Variants in GALNT2 observed in about 807,000 individuals in gnomAD.
GALNT2 encodes polypeptide N-acetylgalactosaminyltransferase 2, also known as UDP-GalNAc:polypeptide N-acetylgalactosaminyltransferase 2.
A neutral mutation model predicts 81.4 loss-of-function variants in GALNT2; 31 were observed. That is an observed-to-expected ratio of 0.38 (90% CI 0.29 to 0.51). GALNT2 has a LOEUF of 0.51. Ranked by LOEUF, GALNT2 falls within the 20% of genes least tolerant of loss-of-function variation. GALNT2 has a pLI of 0.87. For synonymous variants in GALNT2, 303 were observed against 287.4 expected (o/e 1.05, Z -0.55); for missense variants, 629 against 765.7 (o/e 0.82, Z 2.11).
intron 3 of GALNT2, among the ~76,000 whole-genome samples, chr1:230,204,549 T>G (rs1342196517): frequency 6.6e-6 from 1 of 152,192 alleles, no homozygotes; most frequent in Non-Finnish European, 1.5e-5. Context: ...GTAGGCATTT[T>G]AAAAAGAGTA....
intron 2 of GALNT2, among the ~76,000 whole-genome samples, chr1:230,191,295 G>A (rs1663516699): frequency 6.6e-6 from 1 of 152,204 alleles, no homozygotes; most frequent in Non-Finnish European, 1.5e-5. Flanking sequence ...TAGTCCGGCT[G>A]ACAGTGACTC....
At chr1:230,215,532 G>A (rs1418496321) in intron 3 of GALNT2, among the ~76,000 whole-genome samples, 1 of 152,234 alleles carries the variant, frequency 6.6e-6, no homozygotes, top group Non-Finnish European at 1.5e-5. Flanking sequence ...GTCACTGGAA[G>A]CAGGAAAAAC....
chr1:230,270,674 G>T (rs746062438), intron 14 of GALNT2, among the ~76,000 whole-genome samples: 1 of 152,186 alleles, frequency 6.6e-6, no homozygotes, highest in Non-Finnish European at 1.5e-5. Flanking sequence ...GATGAGAAAC[G>T]AGAGGGTAAG....
rs1229447902 is a variant in GALNT2 at position 230,275,115 on chromosome 1, T to C, written c.1560+551T>C. ...TATACATGTATACACACCACATATA[T>C]ATACATATATATACACACCACATAT... On this transcript the variant is annotated intron_variant, in intron 15 of 15. Transcript: ENST00000366672. This position sits in a 1 kb window ranked among gnomAD's most constrained non-coding sequence, Gnocchi z 5.5. Among the ~76,000 whole-genome samples the C allele has an allele frequency of 1.4e-5, 2 of 139,318 alleles. No individual in the cohort carries two copies. The highest frequency in any genetic ancestry group is 1.9e-4 in the East Asian group (1 of 5,150). 91.4% of individuals were successfully genotyped at this position (139,318 alleles called of 152,430 possible).
At chr1:230,065,341 T>C (rs1348527997), upstream of GALNT2, among the ~76,000 whole-genome samples, 1 of 152,198 alleles carries the variant, frequency 6.6e-6, no homozygotes, top group East Asian at 1.9e-4. Context: ...TCAATTTCCT[T>C]CTTGAATTTG....
Position 230,280,361 on chromosome 1 carries a change from G to A in GALNT2, c.*903G>A, listed in dbSNP as rs895133001. ...TGCGTCAGAATCCACCTTGCGTGCT[G>A]TGCGTATCTGTGAACCTGGAGCGGT... On this transcript the variant is annotated 3_prime_UTR_variant, in exon 16 of 16. Coordinates refer to ENST00000366672, the MANE Select transcript of GALNT2 (RefSeq NM_004481.5). 7.6e-5 allele frequency: 17 copies of A among 222,352 alleles called. No homozygotes were observed. The highest frequency in any genetic ancestry group is 2.9e-4 in the African/African-American group (13 of 44,874). The allele number at this position is 222,352 out of a possible 1,614,324, so 13.8% of individuals were successfully genotyped here.
rs76968153 is a variant in GALNT2, at chr1:230,237,694, A to C, written c.607+969A>C. 5.5e-3 allele frequency among the ~76,000 whole-genome samples: 838 copies of C among 152,268 alleles called. 7 individuals carry two copies. The highest frequency in any genetic ancestry group is 0.019 in the African/African-American group (799 of 41,548). On this transcript the variant is annotated intron_variant, in intron 6 of 15. Transcript: ENST00000366672. ...GTGGGATAAGCCTTGCCTTCTAAAC[A>C]AGCTGTTTGCCAGACTCACATCAGT... is the stretch of plus-strand genomic sequence containing the variant.
At chr1:230,235,097 C>G (rs1664985225) in intron 3 of GALNT2, among the ~76,000 whole-genome samples, 2 of 151,388 alleles carry the variant, frequency 1.3e-5, no homozygotes, top group African/African-American at 2.4e-5. Context: ...ACCTGTAATC[C>G]CAGCTACTTG....
intron 1 of GALNT2, among the ~76,000 whole-genome samples, chr1:230,081,898 T>A (rs961778718): frequency 1.8e-4 from 28 of 152,194 alleles, no homozygotes; most frequent in African/African-American, 6.8e-4. Context: ...GACATTGGCT[T>A]GCGTTTCCTT....
chr1:230,113,758 C>G (rs565840602), intron 1 of GALNT2, among the ~76,000 whole-genome samples: 12 of 152,188 alleles, frequency 7.9e-5, no homozygotes, highest in Non-Finnish European at 1.6e-4. Flanking sequence ...CTTGTTTGCA[C>G]CTGATCAGAT....
At chr1:230,122,553 C>T (rs182301474) in intron 1 of GALNT2, among the ~76,000 whole-genome samples, 89 of 152,180 alleles carry the variant, frequency 5.8e-4, no homozygotes, top group Non-Finnish European at 9.9e-4. Context: ...ATTTTCCCCC[C>T]AGGGATAAGG....
upstream of GALNT2, among the ~76,000 whole-genome samples, chr1:230,063,514 A>G (rs114738116): frequency 0.048 from 7,290 of 152,170 alleles, 363 homozygotes; most frequent in African/African-American, 0.13. Flanking sequence ...GCCCCATGTC[A>G]CATCTAGCTA....
At position 230,118,770 on chromosome 1, in the gene GALNT2, G is replaced by T. The variant is rs1458019500; in HGVS notation, c.126+51364G>T. 2.0e-5 allele frequency among the ~76,000 whole-genome samples: 3 copies of T among 152,064 alleles called. No homozygotes were observed. The East Asian group carries it at 5.8e-4, about 29-fold the overall frequency. On this transcript the variant is annotated intron_variant, in intron 1 of 15. Coordinates refer to ENST00000366672, the MANE Select transcript of GALNT2 (RefSeq NM_004481.5). ...TTCATGCCCTGTAAGATGCGGTTCA[G>T]ATGGCACCTCCTCTGTGACGCCCTT...
intron 1 of GALNT2, among the ~76,000 whole-genome samples, chr1:230,112,309 C>T (rs1444116733): frequency 2.6e-5 from 4 of 151,182 alleles, no homozygotes; most frequent in Non-Finnish European, 5.9e-5. Flanking sequence ...TCCAGGCGCA[C>T]CCTGAGAGGG....
intron 2 of GALNT2, among the ~76,000 whole-genome samples, chr1:230,184,206 T>C (rs899064816): frequency 6.8e-6 from 1 of 148,126 alleles, no homozygotes; most frequent in Non-Finnish European, 1.5e-5. Context: ...TTTTTTTTTT[T>C]GCGACAGAGT....
At chr1:230,121,747 G>A (rs1344419883) in intron 1 of GALNT2, among the ~76,000 whole-genome samples, 1 of 152,090 alleles carries the variant, frequency 6.6e-6, no homozygotes, top group Non-Finnish European at 1.5e-5. Context: ...GCCCCAGGAG[G>A]ATGAGTGCTT....
intron 10 of GALNT2, among the ~76,000 whole-genome samples, chr1:230,253,453 CTG>C (rs1665612368): frequency 6.6e-6 from 1 of 152,180 alleles, no homozygotes; most frequent in South Asian, 2.1e-4. Flanking sequence ...ACTGTATGGT[CTG>C]TGATGGACCC....
At chr1:230,072,170 G>C (rs113582846) in intron 1 of GALNT2, among the ~76,000 whole-genome samples, 2 of 152,140 alleles carry the variant, frequency 1.3e-5, no homozygotes, top group Non-Finnish European at 2.9e-5. Flanking sequence ...GATGGGAGAG[G>C]GGGTGGGGGA....
intron 2 of GALNT2, among the ~76,000 whole-genome samples, chr1:230,190,080 G>A (rs1312891116): frequency 6.6e-6 from 1 of 152,228 alleles, no homozygotes; most frequent in East Asian, 1.9e-4. Flanking sequence ...CAGGCCTGAG[G>A]CCAGTGATCT....
Sources: gnomAD v4.1 joint callset for allele counts (sites outside exome capture counted in the v4.1 genomes callset) on GRCh38, gnomAD v4.1.1 for gene constraint, Gnocchi (gnomAD v3.1) non-coding constraint, MANE v1.5 for transcripts, NCBI Gene and HGNC (gene_info 2026-07-23, HGNC 2026-07-21) for gene names.